SLC44A3: variants seen among roughly 807,000 people sequenced by gnomAD.
SLC44A3 encodes choline transporter-like protein 3.
A neutral mutation model predicts 75.4 loss-of-function variants in SLC44A3; 74 were observed. The ratio of observed to expected loss-of-function variants is 0.98; its 90% CI spans 0.81 to 1.19. The LOEUF (loss-of-function observed/expected upper bound fraction) is 1.19. Among genes scored for constraint, SLC44A3 ranks in the 50% most tolerant of loss-of-function variants. The pLI is 0.00. For synonymous variants in SLC44A3, 310 were observed against 296.9 expected (o/e 1.04, Z -0.45); for missense variants, 700 against 778.6 (o/e 0.90, Z 1.20).
rs776559002 is a variant in SLC44A3, at chr1:94,845,421, C to T, written c.1029C>T (p.Phe343=). The T allele has an allele frequency of 1.2e-6, 2 of 1,613,686 alleles. No individual in the cohort carries two copies. The highest frequency in any genetic ancestry group is 1.7e-6 in the Non-Finnish European group (2 of 1,180,014). ...GGACATTTGCCATCCTCATTTTCTT[C>T]TGGGTCCTCTGGGTGGCTGTGCTGC... ...PLWTFAILIF[F]WVLWVAVLLS... is the part of the protein sequence containing the mutation. Residue 343 remains phenylalanine, a synonymous_variant, in exon 9 of 15, where the codon TTC becomes TTT. Transcript: ENST00000271227.
chr1:94,851,079 G>T (rs1309664800), intron 9 of SLC44A3, among the ~76,000 whole-genome samples: 2 of 151,822 alleles, frequency 1.3e-5, no homozygotes, highest in East Asian at 3.9e-4. Flanking sequence ...GCTCCTGCTG[G>T]GATCTTCCTC....
At chr1:94,845,624 G>A (rs555812324) in intron 9 of SLC44A3, among the ~76,000 whole-genome samples, 160 bp downstream of exon 9, 15 of 152,262 alleles carry the variant, frequency 9.9e-5, no homozygotes, top group African/African-American at 3.1e-4. Context: ...GGGGAAAAGT[G>A]GGAAGTTCTT....
chr1:94,839,819 A>AAGATATTT, intron 6 of SLC44A3, 129 bp from the exon 7 acceptor site: 4 of 720,000 alleles, frequency 5.6e-6, no homozygotes, highest in Non-Finnish European at 1.0e-5. Flanking sequence ...TAGATATCCC[A>AAGATATTT]AGATATTTAG....
intron 11 of SLC44A3, among the ~76,000 whole-genome samples, chr1:94,865,772 C>T (rs1398723269): frequency 6.6e-6 from 1 of 152,134 alleles, no homozygotes; most frequent in African/African-American, 2.4e-5. Context: ...TTGAGTATAG[C>T]TATGTGTCCT....
At chr1:94,874,555 G>A (rs954942472) in intron 12 of SLC44A3, among the ~76,000 whole-genome samples, 4 of 152,200 alleles carry the variant, frequency 2.6e-5, no homozygotes, top group African/African-American at 9.7e-5. Context: ...AGAAAGGGAG[G>A]GAAAGTTATA....
Position 94,867,378 on chromosome 1 carries a change from T to C in SLC44A3, c.1443T>C (p.Cys481=). The C allele has an allele frequency of 6.2e-7, 1 of 1,606,750 alleles. No individual in the cohort carries two copies. Among genetic ancestry groups the C allele is most frequent in the Non-Finnish European group, 8.5e-7 (1 of 1,175,700 alleles). The change falls in exon 12 of 15, where the codon TGT becomes TGC. Residue 481 remains cysteine (C), a synonymous_variant. Coordinates refer to ENST00000271227, the MANE Select transcript of SLC44A3 (RefSeq NM_001114106.3). ...ACCTGTTCCGATGCTGCTACTGCTG[T>C]TTCTGGTGTCTTGACAAATACCTGC... The part of the protein sequence containing the change: ...SRYLFRCCYC[C]FWCLDKYLLH...
At position 94,837,737 on chromosome 1, in the gene SLC44A3, G is replaced by A. The variant is rs1663017331; in HGVS notation, c.536G>A (p.Cys179Tyr). The change falls in exon 6 of 15, where the codon TGT becomes TAT. Residue 179 changes from cysteine (C) to tyrosine (Y), a missense_variant. Cys to Tyr is a radical substitution (Grantham distance 194). Coordinates refer to ENST00000271227, the MANE Select transcript of SLC44A3 (RefSeq NM_001114106.3). Reference sequence around the variant, plus strand: ...AAGTCATTTCCCTTATTTAACCGATGTGTCCCTCAAACACCTGAGTGCTAC... The same window carrying A: ...AAGTCATTTCCCTTATTTAACCGATATGTCCCTCAAACACCTGAGTGCTAC... ...PSKSFPLFNRCVPQTPECYSL... is the reference protein window; with the variant it reads ...PSKSFPLFNRYVPQTPECYSL... 3 of 1,590,084 alleles carry A rather than the reference G, an allele frequency of 1.9e-6. No individual in the cohort carries two copies. The highest frequency in any genetic ancestry group is 2.6e-6 in the Non-Finnish European group (3 of 1,170,736).
chr1:94,884,327 C>G (rs1460243293), intron 12 of SLC44A3, among the ~76,000 whole-genome samples: 1 of 152,200 alleles, frequency 6.6e-6, no homozygotes, highest in South Asian at 2.1e-4. Flanking sequence ...AGGCTGTGCA[C>G]TGCCTCACTC....
intron 12 of SLC44A3, among the ~76,000 whole-genome samples, chr1:94,877,051 G>C (rs1029051268): frequency 6.6e-6 from 1 of 151,796 alleles, no homozygotes; most frequent in Non-Finnish European, 1.5e-5. Flanking sequence ...CCATGTCTCT[G>C]GTACCCCCTC....
intron 6 of SLC44A3, among the ~76,000 whole-genome samples, chr1:94,838,769 A>T (rs1045892190): frequency 2.0e-5 from 3 of 152,112 alleles, no homozygotes; most frequent in African/African-American, 7.2e-5. Flanking sequence ...AGATGCTTTG[A>T]CTCCCAAATA....
chr1:94,877,821 A>G (rs1668458489), intron 12 of SLC44A3, among the ~76,000 whole-genome samples: 1 of 152,196 alleles, frequency 6.6e-6, no homozygotes, highest in African/African-American at 2.4e-5. Context: ...ACTTGCATTC[A>G]TCCCAGGAAC....
Position 94,867,524 on chromosome 1 carries a change from A to G in SLC44A3, c.1482+107A>G, listed in dbSNP as rs779706413. ...TCTTCTCTAAGGGGCTAAATTGTGTAAACATTTTAGGCTTTCAGACCAGTC... is the reference window on the plus strand; with the variant it reads ...TCTTCTCTAAGGGGCTAAATTGTGTGAACATTTTAGGCTTTCAGACCAGTC... On this transcript the variant is annotated intron_variant, in intron 12 of 14. Transcript: ENST00000271227. 4.3e-4 allele frequency: 340 copies of G among 783,374 alleles called. 2 individuals carry two copies. The highest frequency in any genetic ancestry group is 6.0e-4 in the Non-Finnish European group (311 of 520,352). The allele number at this position is 783,374 out of a possible 1,614,324, so 48.5% of individuals were successfully genotyped here. A position where few individuals can be genotyped will look rare whatever the true frequency, so the allele number is the denominator to read the frequency against.
chr1:94,886,114 T>C (rs897965181), intron 12 of SLC44A3, among the ~76,000 whole-genome samples: 2 of 152,182 alleles, frequency 1.3e-5, no homozygotes, highest in Non-Finnish European at 2.9e-5. Context: ...GGCGGGTCGG[T>C]GTGCTCAATG....
chr1:94,824,435 TG>T, intron 2 of SLC44A3, 57 bp from the exon 3 acceptor site: 4 of 1,525,622 alleles, frequency 2.6e-6, no homozygotes, highest in Non-Finnish European at 3.5e-6. Flanking sequence ...TGCAGGGGTG[TG>T]GGGCACTGTG....
intron 3 of SLC44A3, chr1:94,825,725 T>A (rs1661225692): frequency 7.6e-6 from 3 of 393,964 alleles, no homozygotes; most frequent in African/African-American, 6.3e-5. Flanking sequence ...AGTCACCAAA[T>A]ACAAATCTCA....
chr1:94,872,476 A>T (rs1667869687), intron 12 of SLC44A3, among the ~76,000 whole-genome samples: 1 of 152,014 alleles, frequency 6.6e-6, no homozygotes, highest in Admixed American at 6.6e-5. Flanking sequence ...CTTCCAGCAG[A>T]AGTGGGAATG....
intron 12 of SLC44A3, among the ~76,000 whole-genome samples, chr1:94,882,583 T>G (rs1669122228): frequency 6.6e-6 from 1 of 152,062 alleles, no homozygotes; most frequent in Non-Finnish European, 1.5e-5. Flanking sequence ...GGAAAGAGCT[T>G]GGGGGATGAA....
intron 8 of SLC44A3, among the ~76,000 whole-genome samples, chr1:94,842,839 G>A (rs983182442): frequency 2.0e-5 from 3 of 152,226 alleles, no homozygotes; most frequent in African/African-American, 7.2e-5. Context: ...GAATCTTGCA[G>A]CAAATGCAGA....
intron 5 of SLC44A3, among the ~76,000 whole-genome samples, chr1:94,831,413 G>C (rs9432388): frequency 0.52 from 79,502 of 152,020 alleles, 20,983 homozygotes; most frequent in East Asian, 0.69. Flanking sequence ...GTGGCTATAG[G>C]GCCAAAGAAC....
Sources: gnomAD v4.1 joint callset for allele counts (sites outside exome capture counted in the v4.1 genomes callset) on GRCh38, gnomAD v4.1.1 for gene constraint, MANE v1.5 for transcripts, NCBI Gene and HGNC (gene_info 2026-07-23, HGNC 2026-07-21) for gene names.